Variants in KLRG1 observed in about 807,000 individuals in gnomAD.
KLRG1 encodes killer cell lectin-like receptor subfamily G member 1.
KLRG1 carries 16 observed loss-of-function variants against 21.8 expected under a neutral mutation model. The observed-to-expected ratio is 0.73, with a 90% confidence interval of 0.50 to 1.11. The LOEUF is 1.11. Among genes scored for constraint, KLRG1 ranks in the 50% most tolerant of loss-of-function variants. The pLI is 0.00. For missense variants in KLRG1, 173 were observed against 218.3 expected (o/e 0.79, Z 1.31); for synonymous variants, 69 against 75.9 (o/e 0.91, Z 0.47).
At chr12:9,022,248 G>A in the KLRG1 span, among the ~76,000 whole-genome samples, 2 of 152,052 alleles carry the variant, frequency 1.3e-5, no homozygotes, top group Non-Finnish European at 2.9e-5. Flanking sequence ...TACGTGACTG[G>A]CAGCACAGTG....
At chr12:9,039,961 A>G in the KLRG1 span, among the ~76,000 whole-genome samples, 1 of 152,234 alleles carries the variant, frequency 6.6e-6, no homozygotes, top group Admixed American at 6.5e-5. Context: ...AGTAAGAGAG[A>G]AAAAAGAAAT....
At chr12:9,077,488 T>G in the KLRG1 span, 133 of 1,509,678 alleles carry the variant, frequency 8.8e-5, no homozygotes, top group Non-Finnish European at 1.1e-4. Flanking sequence ...TTCTTTCTAT[T>G]CTGCTGTGTC....
chr12:9,077,825 T>C, the KLRG1 span: 1 of 1,614,150 alleles, frequency 6.2e-7, no homozygotes, highest in East Asian at 2.2e-5. Flanking sequence ...GGCTCGAGCT[T>C]GGGCAAAAGT....
At chr12:9,112,603 G>T in the KLRG1 span, 2 of 1,563,772 alleles carry the variant, frequency 1.3e-6, no homozygotes, top group Middle Eastern at 2.1e-4. Context: ...ATTTGCTGTT[G>T]CACTCTTCCC....
At chr12:9,160,003 G>A in the KLRG1 span, 1 of 1,613,800 alleles carries the variant, frequency 6.2e-7, no homozygotes, top group Admixed American at 1.7e-5. Context: ...CTTGGTGTTT[G>A]TAGTTCAGCT....
the KLRG1 span, chr12:9,089,944 T>C: frequency 6.2e-7 from 1 of 1,612,718 alleles, no homozygotes; most frequent in South Asian, 1.1e-5. Context: ...TCCTTCCGTG[T>C]TCAGGAACTG....
At chr12:9,183,321 G>T in the KLRG1 span, among the ~76,000 whole-genome samples, 1,732 of 152,186 alleles carry the variant, frequency 0.011, 28 homozygotes, top group African/African-American at 0.039. Context: ...GTGAGATGAT[G>T]GCCATGTTAC....
At chr12:8,972,469 C>A (rs1309664846) in intron 1 of KLRG1, among the ~76,000 whole-genome samples, 2 of 152,110 alleles carry the variant, frequency 1.3e-5, no homozygotes, top group African/African-American at 2.4e-5. Flanking sequence ...AGTCTTTAAT[C>A]CATTTTAAGT....
chr12:9,069,950 G>T, the KLRG1 span: 2 of 685,458 alleles, frequency 2.9e-6, no homozygotes, highest in Admixed American at 5.0e-5. Context: ...AATATATAAT[G>T]TAATACAATT....
rs751706461 is a variant in KLRG1, at chr12:8,989,669, T to C, written c.34T>C (p.Leu12=). The part of the protein sequence containing the change: ...TDSVIYSMLE[L]PTATQAQNDY... ...CAGTGTTATTTATTCCATGTTAGAG[T>C]TGCCTACGGCAACCCAAGCCCAGAA... The change falls in exon 1 of 5, where the codon TTG becomes CTG. Residue 12 remains leucine, a synonymous_variant. Coordinates refer to ENST00000356986, the MANE Select transcript of KLRG1 (RefSeq NM_005810.4). 7.5e-5 allele frequency: 121 copies of C among 1,610,592 alleles called. No individual in the cohort carries two copies. Among genetic ancestry groups the C allele is most frequent in the Non-Finnish European group, 9.9e-5 (117 of 1,177,904 alleles).
At chr12:9,106,666 G>T in the KLRG1 span, 2 of 837,672 alleles carry the variant, frequency 2.4e-6, no homozygotes, top group African/African-American at 1.7e-5. Context: ...TAGATCAGTG[G>T]TCAGATAACC....
At chr12:9,034,395 CTGA>C in the KLRG1 span, among the ~76,000 whole-genome samples, 1 of 152,092 alleles carries the variant, frequency 6.6e-6, no homozygotes, top group Non-Finnish European at 1.5e-5. Context: ...TACATAATAC[CTGA>C]TGATAATATG....
chr12:9,016,185 G>GA, the KLRG1 span, among the ~76,000 whole-genome samples: 1 of 151,554 alleles, frequency 6.6e-6, no homozygotes, highest in Non-Finnish European at 1.5e-5. Context: ...AAATTGACAT[G>GA]AAAAAAGATA....
At chr12:9,119,466 C>G in the KLRG1 span, among the ~76,000 whole-genome samples, 1 of 151,748 alleles carries the variant, frequency 6.6e-6, no homozygotes, top group African/African-American at 2.4e-5. Context: ...TCAGCTGTTT[C>G]AGTGCCGGTG....
chr12:9,009,555 C>G lies in KLRG1; in HGVS notation c.*18C>G, dbSNP rs776957989. Reference sequence around the variant, plus strand: ...GACTTTGATAGATGACCACTCTGTCCTGACCCTCAGATCTGTCATGTATCC... The same window carrying G: ...GACTTTGATAGATGACCACTCTGTCGTGACCCTCAGATCTGTCATGTATCC... On this transcript the variant is annotated 3_prime_UTR_variant, in exon 5 of 5. Transcript: ENST00000356986. 2 of 1,612,954 alleles carry G rather than the reference C, an allele frequency of 1.2e-6. No homozygotes were observed. The highest frequency in any genetic ancestry group is 2.2e-5 in the South Asian group (2 of 90,970).
the KLRG1 span, among the ~76,000 whole-genome samples, chr12:9,017,108 A>C: frequency 6.6e-6 from 1 of 151,872 alleles, no homozygotes; most frequent in South Asian, 2.1e-4. Context: ...TACTAAAAAT[A>C]CAAAAATTAG....
chr12:9,060,504 C>T, the KLRG1 span, among the ~76,000 whole-genome samples: 16 of 152,024 alleles, frequency 1.1e-4, no homozygotes, highest in East Asian at 1.9e-4. Context: ...TGGTGGTGGG[C>T]GCCTATAGTT....
chr12:9,165,479 T>G, the KLRG1 span: 27 of 1,203,520 alleles, frequency 2.2e-5, no homozygotes, highest in Non-Finnish European at 2.9e-5. Context: ...CTTAAGGGTA[T>G]ATGCGAGTGT....
At chr12:9,204,528 A>T in the KLRG1 span, among the ~76,000 whole-genome samples, 1 of 152,214 alleles carries the variant, frequency 6.6e-6, no homozygotes, top group Non-Finnish European at 1.5e-5. Flanking sequence ...ACTGAAAAAA[A>T]GTATTTGCTG....
Sources: allele counts gnomAD v4.1 joint callset (sites outside exome capture counted in the v4.1 genomes callset), GRCh38; gene constraint gnomAD v4.1.1; transcripts MANE v1.5; gene names NCBI Gene and HGNC (gene_info 2026-07-23, HGNC 2026-07-21).